Variants in NUFIP1 observed in about 807,000 individuals in gnomAD.
NUFIP1 encodes nuclear FMR1 interacting protein 1, also known as FMR1-interacting protein NUFIP1.
A neutral mutation model predicts 56.2 loss-of-function variants in NUFIP1; 38 were observed. The ratio of observed to expected loss-of-function variants is 0.68; its 90% CI spans 0.52 to 0.89. The LOEUF is 0.89. NUFIP1 is among the 40% of genes least tolerant of loss of function. NUFIP1 has a pLI of 0.00. For synonymous variants in NUFIP1, 215 were observed against 212.4 expected, an observed-to-expected ratio of 1.01 and a Z score of -0.10; for missense variants, 567 against 605.8, an observed-to-expected ratio of 0.94 and a Z score of 0.67.
At chr13:44,956,141 CAAA>C (rs371458350) in intron 7 of NUFIP1, among the ~76,000 whole-genome samples, 2 of 61,466 alleles carry the variant, frequency 3.3e-5, no homozygotes, top group Non-Finnish European at 3.3e-5. Context: ...GACTCCGTCT[CAAA>C]AAAAAAAAAA....
chr13:44,983,970 A>G (rs1872291487), intron 1 of NUFIP1, among the ~76,000 whole-genome samples: 2 of 152,170 alleles, frequency 1.3e-5, no homozygotes, highest in South Asian at 2.1e-4. Flanking sequence ...ATTACCCAAC[A>G]GGTCATACTC....
chr13:44,972,748 A>C (rs1490838217), intron 5 of NUFIP1, among the ~76,000 whole-genome samples: 2 of 152,220 alleles, frequency 1.3e-5, no homozygotes, highest in African/African-American at 2.4e-5. Flanking sequence ...AGTCAGGATT[A>C]TCCCTACATA....
At chr13:44,947,001 G>A (rs1037640723) in intron 8 of NUFIP1, among the ~76,000 whole-genome samples, 4 of 152,006 alleles carry the variant, frequency 2.6e-5, no homozygotes, top group African/African-American at 9.7e-5. Flanking sequence ...CTTAAAGCAG[G>A]ACATTTTAAC....
intron 6 of NUFIP1, among the ~76,000 whole-genome samples, chr13:44,961,134 G>A (rs185494150): frequency 1.3e-5 from 2 of 152,096 alleles, no homozygotes; most frequent in East Asian, 1.9e-4. Flanking sequence ...GCGGGGGCGG[G>A]GAAGACAGTT....
At position 44,981,568 on chromosome 13, in the gene NUFIP1, T is replaced by C. The variant is rs928289096; in HGVS notation, c.495+504A>G. ...GGCTCACGCCTTAATCCCAGCACTT[T>C]GGGAGGCGGAGGTGGGCGGGTCACT... On this transcript the variant is annotated intron_variant, in intron 2 of 9. Transcript: ENST00000379161. Among the ~76,000 whole-genome samples, 4 of 152,274 alleles carry C rather than the reference T, an allele frequency of 2.6e-5. No individual in the cohort carries two copies. The South Asian group carries it at 8.3e-4, about 32-fold the overall frequency.
At chr13:44,943,205 A>G (rs1310671643) in intron 9 of NUFIP1, among the ~76,000 whole-genome samples, 1 of 152,226 alleles carries the variant, frequency 6.6e-6, no homozygotes, top group Admixed American at 6.5e-5. Flanking sequence ...TTCCTTACCA[A>G]CTAGTGAAAC....
At chr13:44,953,976 T>C (rs1871153032) in intron 7 of NUFIP1, among the ~76,000 whole-genome samples, 1 of 151,692 alleles carries the variant, frequency 6.6e-6, no homozygotes, top group Non-Finnish European at 1.5e-5. Flanking sequence ...CTTTTGGCAC[T>C]CTCAGAACAT....
intron 1 of NUFIP1, among the ~76,000 whole-genome samples, chr13:44,987,028 C>T (rs965494329): frequency 6.6e-6 from 1 of 151,966 alleles, no homozygotes; most frequent in African/African-American, 2.4e-5. Flanking sequence ...CTTTGTTGCC[C>T]AGGCAGGTCT....
At chr13:44,980,424 T>C (rs1872146401) in intron 3 of NUFIP1, among the ~76,000 whole-genome samples, 1 of 152,160 alleles carries the variant, frequency 6.6e-6, no homozygotes, top group Admixed American at 6.5e-5. Flanking sequence ...GGGAAAGAAC[T>C]CATTAAGATG....
intron 4 of NUFIP1, 120 bp downstream of exon 4, chr13:44,979,770 T>A (rs1223020775): frequency 3.2e-6 from 2 of 618,204 alleles, no homozygotes; most frequent in East Asian, 6.2e-5. Context: ...GATGTCAAAA[T>A]CCTTACAAAG....
In NUFIP1 at chr13:44,959,370, G is replaced by A. The variant is rs202168129; in HGVS notation, c.1021+11C>T. 870 of 1,610,166 alleles carry A rather than the reference G, an allele frequency of 5.4e-4. No homozygotes were observed. The highest frequency in any genetic ancestry group is 6.8e-4 in the Non-Finnish European group (805 of 1,178,338). On this transcript the variant is annotated intron_variant, in intron 7 of 9. Coordinates refer to ENST00000379161, the MANE Select transcript of NUFIP1 (RefSeq NM_012345.3). ...ACACTTATAAATACGTTATTTTCCTGTTTAGCTTACCAGAATCACTGTTTA... is the reference window on the plus strand; with the variant it reads ...ACACTTATAAATACGTTATTTTCCTATTTAGCTTACCAGAATCACTGTTTA...
At position 44,949,806 on chromosome 13, in the gene NUFIP1, C is replaced by G. The variant is rs772610364; in HGVS notation, c.1054G>C (p.Val352Leu). The G allele has an allele frequency of 1.9e-6, 3 of 1,614,128 alleles. No homozygotes were observed. Among genetic ancestry groups the G allele is most frequent in the Non-Finnish European group, 2.5e-6 (3 of 1,179,982 alleles). Residue 352 changes from valine (V) to leucine (L), a missense_variant, in exon 8 of 10, where the codon GTG becomes CTG. By Grantham distance (32) the Val-to-Leu change is conservative. Transcript: ENST00000379161. ...SDKEEKPQHS[V>L]IPKEVTPALC... ...GCTGGTGTCACTTCCTTGGGTATCA[C>G]AGAATGTTGTGGTTTCTCCTCCTTA...
At chr13:44,987,729 G>A (rs1872456083) in intron 1 of NUFIP1, among the ~76,000 whole-genome samples, 1 of 152,128 alleles carries the variant, frequency 6.6e-6, no homozygotes, top group Non-Finnish European at 1.5e-5. Flanking sequence ...AATATCTCTT[G>A]TTTAGAAAAG....
intron 8 of NUFIP1, among the ~76,000 whole-genome samples, chr13:44,944,698 T>C (rs1034618952): frequency 2.6e-5 from 4 of 152,148 alleles, no homozygotes; most frequent in Admixed American, 6.5e-5. Context: ...ATTGAAAGTA[T>C]AGAGATATGT....
intron 6 of NUFIP1, among the ~76,000 whole-genome samples, chr13:44,961,684 A>G (rs1054115026): frequency 3.3e-5 from 5 of 152,204 alleles, no homozygotes; most frequent in Non-Finnish European, 7.3e-5. Context: ...TAACAGTGTC[A>G]CTGCAAAGAA....
At chr13:44,981,594 T>C (rs1445278739) in intron 2 of NUFIP1, among the ~76,000 whole-genome samples, 1 of 152,024 alleles carries the variant, frequency 6.6e-6, no homozygotes, top group Non-Finnish European at 1.5e-5. Context: ...GCGGGTCACT[T>C]GAGGTCAGGA....
chr13:44,981,352 A>G (rs1872182457), intron 2 of NUFIP1, among the ~76,000 whole-genome samples: 1 of 152,202 alleles, frequency 6.6e-6, no homozygotes, highest in African/African-American at 2.4e-5. Context: ...GTATGTCAAG[A>G]AGGTATAAAA....
At chr13:44,946,844 T>C (rs989762214) in intron 8 of NUFIP1, among the ~76,000 whole-genome samples, 1 of 152,150 alleles carries the variant, frequency 6.6e-6, no homozygotes, top group Non-Finnish European at 1.5e-5. Flanking sequence ...TATTTAAAAC[T>C]CCCTATGTGT....
rs554276708 is a variant in NUFIP1 at position 44,985,656 on chromosome 13, A to C, written c.412+3369T>G. On this transcript the variant is annotated intron_variant, in intron 1 of 9. Coordinates refer to ENST00000379161, the MANE Select transcript of NUFIP1 (RefSeq NM_012345.3). ...ATGCTACTACTGTAATTGTTTTGAGACACCATGAATCGTGGCCATATAAGA... is the reference window on the plus strand; with the variant it reads ...ATGCTACTACTGTAATTGTTTTGAGCCACCATGAATCGTGGCCATATAAGA... 2.2e-4 allele frequency among the ~76,000 whole-genome samples: 33 copies of C among 152,264 alleles called. 1 individual carries two copies. In the South Asian group the frequency reaches 6.9e-3, roughly 32 times the overall value.
Sources: gnomAD v4.1 joint callset for allele counts (sites outside exome capture counted in the v4.1 genomes callset) on GRCh38, gnomAD v4.1.1 for gene constraint, MANE v1.5 for transcripts, NCBI Gene and HGNC (gene_info 2026-07-23, HGNC 2026-07-21) for gene names.